The following KHDRBS3 variants were observed in gnomAD, a reference collection of about 807,000 sequenced individuals.
KHDRBS3 encodes KH RNA binding domain containing, signal transduction associated 3, also known as KH domain-containing, RNA-binding, signal transduction-associated protein 3.
A neutral mutation model predicts 45.6 loss-of-function variants in KHDRBS3; 23 were observed. The ratio of observed to expected loss-of-function variants is 0.50; its 90% CI spans 0.36 to 0.72. The LOEUF is 0.72. Among genes scored for constraint, KHDRBS3 ranks in the 30% least tolerant of loss-of-function variants. KHDRBS3 has a pLI of 0.00. For missense variants in KHDRBS3, 352 were observed against 424.8 expected (o/e 0.83, Z 1.51); for synonymous variants, 162 against 156.5 (o/e 1.04, Z -0.26).
At chr8:135,581,831 G>A in intron 5 of KHDRBS3, 47 bp from the exon 6 acceptor site, 3 of 1,342,152 alleles carry the variant, frequency 2.2e-6, no homozygotes, top group Non-Finnish European at 3.0e-6. Context: ...ATAACAGAAT[G>A]TTAGAGACTA....
chr8:135,518,924 A>G (rs1053121453), intron 1 of KHDRBS3, among the ~76,000 whole-genome samples: 1 of 152,344 alleles, frequency 6.6e-6, no homozygotes, highest in Middle Eastern at 3.4e-3. Flanking sequence ...AATTGTTACC[A>G]TGTTCATGTA....
intron 1 of KHDRBS3, among the ~76,000 whole-genome samples, chr8:135,483,236 T>C (rs1204079978): frequency 1.3e-5 from 2 of 152,248 alleles, no homozygotes; most frequent in Non-Finnish European, 2.9e-5. Flanking sequence ...TGGACTCTTT[T>C]CTTTTACATT....
chr8:135,509,476 T>C (rs1201991682), intron 1 of KHDRBS3, among the ~76,000 whole-genome samples: 1 of 152,234 alleles, frequency 6.6e-6, no homozygotes, highest in East Asian at 1.9e-4. Flanking sequence ...TTAGATTCCT[T>C]CTACCAGTTT....
At chr8:135,536,824 G>A (rs1248346561) in intron 2 of KHDRBS3, among the ~76,000 whole-genome samples, 1 of 150,352 alleles carries the variant, frequency 6.7e-6, no homozygotes, top group East Asian at 2.0e-4. Context: ...GCCGGGCGCG[G>A]TGGCGGGCGC....
intron 4 of KHDRBS3, among the ~76,000 whole-genome samples, chr8:135,653,502 T>A (rs1831470743): frequency 6.6e-6 from 1 of 152,208 alleles, no homozygotes; most frequent in African/African-American, 2.4e-5. Context: ...ACTTCAGATT[T>A]TGAATATGTA....
chr8:135,557,619 C>T (rs1238426884), intron 5 of KHDRBS3, 32 bp downstream of exon 5: 1 of 1,552,456 alleles, frequency 6.4e-7, no homozygotes, highest in South Asian at 1.1e-5. Context: ...GGTTAACATA[C>T]CGTGGCAGCA....
chr8:135,529,704 C>T (rs1481104150), intron 2 of KHDRBS3, among the ~76,000 whole-genome samples: 4 of 152,124 alleles, frequency 2.6e-5, no homozygotes, highest in African/African-American at 9.6e-5. Context: ...ATTTTTATTA[C>T]ATTTAAAAGA....
At chr8:135,576,740 C>G (rs1400344269) in intron 5 of KHDRBS3, among the ~76,000 whole-genome samples, 1 of 152,168 alleles carries the variant, frequency 6.6e-6, no homozygotes, top group East Asian at 1.9e-4. Context: ...AGGCTGCTGG[C>G]CCGCTTGTTG....
intron 1 of KHDRBS3, among the ~76,000 whole-genome samples, chr8:135,496,054 C>A (rs1237186849): frequency 1.3e-5 from 2 of 150,208 alleles, no homozygotes; most frequent in Non-Finnish European, 3.0e-5. Flanking sequence ...GAGCCAAGGG[C>A]TGTGTGAGAT....
intron 7 of KHDRBS3, among the ~76,000 whole-genome samples, chr8:135,612,177 T>TTGCCTTTCAGCTCTCC (rs1829732775): frequency 6.6e-6 from 1 of 151,914 alleles, no homozygotes; most frequent in South Asian, 2.1e-4. Flanking sequence ...ACTGTCTCCA[T>TTGCCTTTCAGCTCTCC]TGCCTTTCAG....
intron 2 of KHDRBS3, among the ~76,000 whole-genome samples, chr8:135,533,730 G>A (rs1247644546): frequency 6.6e-6 from 1 of 152,112 alleles, no homozygotes; most frequent in Non-Finnish European, 1.5e-5. Context: ...TTACAATGGG[G>A]TTTTGTCCCA....
intron 2 of KHDRBS3, chr8:135,540,406 G>T (rs1343664107): frequency 6.6e-6 from 1 of 152,184 alleles, no homozygotes; most frequent in African/African-American, 2.4e-5. Context: ...GACAAGAGTA[G>T]ACTTGGTTGA....
At chr8:135,459,283 C>G (rs1821301220) in intron 1 of KHDRBS3, among the ~76,000 whole-genome samples, 2 of 152,168 alleles carry the variant, frequency 1.3e-5, no homozygotes, top group Admixed American at 6.5e-5. Flanking sequence ...AGGAGAGACT[C>G]TTTACTGTCT....
At chr8:135,579,529 G>T (rs1245056210) in intron 5 of KHDRBS3, among the ~76,000 whole-genome samples, 1 of 152,106 alleles carries the variant, frequency 6.6e-6, no homozygotes, top group African/African-American at 2.4e-5. Context: ...TAGAGACGGG[G>T]TTTCACCATG....
intron 4 of KHDRBS3, among the ~76,000 whole-genome samples, chr8:135,555,409 T>C (rs1826828562): frequency 6.6e-6 from 1 of 151,894 alleles, no homozygotes; most frequent in African/African-American, 2.4e-5. Context: ...CAGGTATCAT[T>C]AGTGTTAGTG....
intron 6 of KHDRBS3, among the ~76,000 whole-genome samples, chr8:135,602,829 A>T (rs1192578013): frequency 6.6e-6 from 1 of 152,154 alleles, no homozygotes; most frequent in East Asian, 1.9e-4. Flanking sequence ...ATCCAAATTT[A>T]AATCCTTATT....
downstream of KHDRBS3, among the ~76,000 whole-genome samples, chr8:135,650,627 C>T (rs925716214): frequency 6.6e-6 from 1 of 152,188 alleles, no homozygotes. Context: ...TGACTTCAAT[C>T]CAGAGTCTTT....
chr8:135,630,751 A>T (rs1213938551), intron 7 of KHDRBS3, among the ~76,000 whole-genome samples: 2 of 152,152 alleles, frequency 1.3e-5, no homozygotes, highest in Non-Finnish European at 2.9e-5. Flanking sequence ...ATCTAAACAT[A>T]GAAAAGATAC....
At chr8:135,475,332 A>G (rs1481363330) in intron 1 of KHDRBS3, among the ~76,000 whole-genome samples, 1 of 151,984 alleles carries the variant, frequency 6.6e-6, no homozygotes, top group Non-Finnish European at 1.5e-5. Flanking sequence ...GGTTTTTGAG[A>G]CGGAGTTTCG....
Sources: allele counts gnomAD v4.1 joint callset (sites outside exome capture counted in the v4.1 genomes callset), GRCh38; gene constraint gnomAD v4.1.1; transcripts MANE v1.5; gene names NCBI Gene and HGNC (gene_info 2026-07-23, HGNC 2026-07-21).